MS4A4E: variants seen among roughly 807,000 people sequenced by gnomAD.
The protein encoded by MS4A4E is membrane spanning 4-domains A4E, also known as putative membrane-spanning 4-domains subfamily A member 4E.
A neutral mutation model predicts 13.3 loss-of-function variants in MS4A4E; 23 were observed. The ratio of observed to expected loss-of-function variants is 1.73; its 90% CI spans 1.25 to 2.45. The LOEUF (loss-of-function observed/expected upper bound fraction) is 2.45, where lower values mean the gene tolerates loss of function less well. Among genes scored for constraint, MS4A4E ranks in the 30% most tolerant of loss-of-function variants. The probability of loss-of-function intolerance (pLI) is 0.00; values close to 1 mark genes in which losing one functional copy is unlikely to be tolerated. For missense variants in MS4A4E, 144 were observed against 131.2 expected (o/e 1.10, Z -0.48); for synonymous variants, 36 against 45.6 (o/e 0.79, Z 0.85).
At chr11:60,202,343 T>C (rs2083998357) in intron 8 of MS4A4E, among the ~76,000 whole-genome samples, 2 of 152,364 alleles carry the variant, frequency 1.3e-5, no homozygotes, top group South Asian at 4.1e-4. Flanking sequence ...GTGTTTACAA[T>C]GAAGATTAAT....
At position 60,243,112 on chromosome 11, in the gene MS4A4E, C is replaced by G. The variant is rs970077948; in HGVS notation, c.-171G>C. 1.1e-5 allele frequency: 6 copies of G among 553,286 alleles called. No homozygotes were observed. In the Admixed American group the frequency reaches 2.1e-4, roughly 19 times the overall value. The allele number at this position is 553,286 out of a possible 1,614,324, so 34.3% of individuals were successfully genotyped here. A position where few individuals can be genotyped will look rare whatever the true frequency, so the allele number is the denominator to read the frequency against. ...CTCCTTTTCTAGTAGATGTTTGGAA[C>G]CTTAAAGGATGTGTTGAGAACTTCT... On this transcript the variant is annotated 5_prime_UTR_variant, in exon 1 of 9. Coordinates refer to ENST00000651255, the MANE Select transcript of MS4A4E (RefSeq NM_001393391.1).
At chr11:60,205,848 C>T (rs1259161969) in intron 6 of MS4A4E, among the ~76,000 whole-genome samples, 28 bp from the exon 7 acceptor site, 6 of 152,094 alleles carry the variant, frequency 3.9e-5, no homozygotes, top group Non-Finnish European at 8.8e-5. Context: ...ATGTAATTAA[C>T]AAACATTAAC....
chr11:60,211,616 T>A (rs2084122383), intron 5 of MS4A4E, among the ~76,000 whole-genome samples: 2 of 152,080 alleles, frequency 1.3e-5, no homozygotes, highest in South Asian at 4.2e-4. Context: ...GTAGGCTTTT[T>A]AATAATAAAG....
chr11:60,211,350 T>G (rs1321777247), intron 5 of MS4A4E, among the ~76,000 whole-genome samples: 1 of 152,142 alleles, frequency 6.6e-6, no homozygotes, highest in Non-Finnish European at 1.5e-5. Flanking sequence ...TCAAGGGAAG[T>G]AAATTAGTTT....
chr11:60,209,767 GTTTA>G (rs2084096021), intron 5 of MS4A4E, among the ~76,000 whole-genome samples: 2 of 152,334 alleles, frequency 1.3e-5, no homozygotes, highest in South Asian at 4.1e-4. Flanking sequence ...GGATTATCTG[GTTTA>G]AATATTCTCT....
chr11:60,232,705 T>G (rs1379582225), intron 1 of MS4A4E, among the ~76,000 whole-genome samples: 1 of 152,054 alleles, frequency 6.6e-6, no homozygotes, highest in African/African-American at 2.4e-5. Context: ...ATGGCCTGAG[T>G]TGCTACTGTG....
intron 1 of MS4A4E, among the ~76,000 whole-genome samples, chr11:60,241,866 G>A (rs1169796043): frequency 6.6e-6 from 1 of 151,542 alleles, no homozygotes; most frequent in Non-Finnish European, 1.5e-5. Flanking sequence ...TGTCTTCCCC[G>A]CCCCTCCTCC....
intron 1 of MS4A4E, among the ~76,000 whole-genome samples, chr11:60,234,783 C>A (rs1565129282): frequency 1.7e-5 from 2 of 120,494 alleles, no homozygotes; most frequent in Middle Eastern, 4.2e-3. Context: ...AACAACCCCC[C>A]CCCCCAAAAT....
chr11:60,212,607 C>G (rs2084137354), intron 5 of MS4A4E, among the ~76,000 whole-genome samples: 1 of 152,210 alleles, frequency 6.6e-6, no homozygotes, highest in African/African-American at 2.4e-5. Context: ...CCGTGTCCGG[C>G]TGGGACTGAC....
At chr11:60,223,812 A>G (rs1255155753) in intron 3 of MS4A4E, among the ~76,000 whole-genome samples, 2 of 152,056 alleles carry the variant, frequency 1.3e-5, no homozygotes, top group African/African-American at 4.8e-5. Context: ...AACTGGCTTC[A>G]TTGCCCCTCA....
intron 3 of MS4A4E, among the ~76,000 whole-genome samples, chr11:60,216,761 G>C (rs761273233): frequency 1.1e-4 from 17 of 152,080 alleles, no homozygotes; most frequent in Non-Finnish European, 2.4e-4. Context: ...TGAGGGTGTT[G>C]ACAAAGGAGA....
intron 4 of MS4A4E, 33 bp from the exon 5 acceptor site, chr11:60,213,165 A>G (rs890953994): frequency 2.2e-6 from 2 of 915,540 alleles, no homozygotes; most frequent in South Asian, 1.6e-5. Flanking sequence ...TAAGCAATCC[A>G]ACATCATCCT....
chr11:60,232,570 C>A (rs750545609), intron 1 of MS4A4E, among the ~76,000 whole-genome samples: 2 of 152,184 alleles, frequency 1.3e-5, no homozygotes, highest in East Asian at 1.9e-4. Flanking sequence ...ACCATAGACA[C>A]CTGCAGTCTT....
In MS4A4E at chr11:60,212,926, C is replaced by T. The variant is rs112392438; in HGVS notation, c.381+48G>A. 6.5e-3 allele frequency among the ~76,000 whole-genome samples: 992 copies of T among 152,316 alleles called. 11 individuals are homozygous for T. The highest frequency in any genetic ancestry group is 0.023 in the African/African-American group (943 of 41,564). The stretch of plus-strand genomic sequence containing the variant: ...TGTTGTTGCCAGAGCCAGCACTCCC[C>T]TAAACTTGCTTCTATGATAATATCT... On this transcript the variant is annotated intron_variant, in intron 5 of 8. Coordinates refer to ENST00000651255, the MANE Select transcript of MS4A4E (RefSeq NM_001393391.1).
chr11:60,220,426 A>G (rs1371449140), intron 3 of MS4A4E, among the ~76,000 whole-genome samples: 2 of 152,212 alleles, frequency 1.3e-5, no homozygotes, highest in Non-Finnish European at 2.9e-5. Context: ...ATTTACCTTC[A>G]GCTGGCAAGA....
chr11:60,231,404 T>C (rs2084410053), intron 1 of MS4A4E, among the ~76,000 whole-genome samples: 1 of 152,124 alleles, frequency 6.6e-6, no homozygotes, highest in South Asian at 2.1e-4. Context: ...AAAAAGTCAA[T>C]GTTCTTATTC....
In MS4A4E at chr11:60,228,602, G is replaced by A. The variant is rs1565126503; in HGVS notation, c.170C>T (p.Thr57Ile). ...ATAGTAATCATACTTACCCGAATGA[G>A]TTGAAAACTTATGTCCACACAAAAC... ...LGVLCGHKFSTHSVSLSVAAG... is the reference protein window; with the variant it reads ...LGVLCGHKFSIHSVSLSVAAG... The change falls in exon 3 of 9, where the codon ACT becomes ATT. Residue 57 changes from threonine (T) to isoleucine (I), a missense_variant. This residue lies in a region of MS4A4E where 119 missense variants were observed against 88.7 expected (regional missense o/e 1.34). Coordinates refer to ENST00000651255, the MANE Select transcript of MS4A4E (RefSeq NM_001393391.1). The A allele has an allele frequency of 1.7e-5, 12 of 698,364 alleles. No individual in the cohort carries two copies. The highest frequency in any genetic ancestry group is 1.0e-4 in the Admixed American group (5 of 49,508). 43.3% of individuals were successfully genotyped at this position (698,364 alleles called of 1,614,324 possible). A position where few individuals can be genotyped will look rare whatever the true frequency, so the allele number is the denominator to read the frequency against.
chr11:60,235,182 T>C (rs1252107597), intron 1 of MS4A4E, among the ~76,000 whole-genome samples: 1 of 152,192 alleles, frequency 6.6e-6, no homozygotes, highest in Non-Finnish European at 1.5e-5. Context: ...GCAGTGGCGT[T>C]ATCATGACTC....
At chr11:60,228,346 C>T (rs906918363) in intron 3 of MS4A4E, among the ~76,000 whole-genome samples, 2 of 152,020 alleles carry the variant, frequency 1.3e-5, no homozygotes, top group African/African-American at 4.8e-5. Context: ...TAAAAAGATG[C>T]CCCACATCTT....
Sources: gnomAD v4.1 joint callset for allele counts (sites outside exome capture counted in the v4.1 genomes callset) on GRCh38, gnomAD v4.1.1 for gene constraint, gnomAD v4.1.1 regional missense constraint, MANE v1.5 for transcripts, NCBI Gene and HGNC (gene_info 2026-07-23, HGNC 2026-07-21) for gene names.